The following REEP1 variants were observed in gnomAD, a reference collection of about 807,000 sequenced individuals.
REEP1 encodes receptor accessory protein 1.
A neutral mutation model predicts 40.3 loss-of-function variants in REEP1; 22 were observed. That is an observed-to-expected ratio of 0.55 (90% CI 0.39 to 0.78). The LOEUF (loss-of-function observed/expected upper bound fraction) is 0.78. Among genes scored for constraint, REEP1 ranks in the 30% least tolerant of loss-of-function variants. REEP1 has a pLI of 0.00. For synonymous variants in REEP1, 116 were observed against 139.2 expected (o/e 0.83, Z 1.17); for missense variants, 280 against 361.1 (o/e 0.78, Z 1.82).
intron 5 of REEP1, 27 bp from the exon 6 acceptor site, chr2:86,232,829 G>T: frequency 6.3e-7 from 1 of 1,594,456 alleles, no homozygotes; most frequent in African/African-American, 1.3e-5. Flanking sequence ...AGGGGCACAC[G>T]TCAGAGGTCC....
intron 1 of REEP1, among the ~76,000 whole-genome samples, chr2:86,311,725 A>G (rs1679774364): frequency 6.6e-6 from 1 of 152,228 alleles, no homozygotes; most frequent in Non-Finnish European, 1.5e-5. Context: ...ATTTCCAAAT[A>G]AGGTCACATT....
intron 1 of REEP1, among the ~76,000 whole-genome samples, chr2:86,289,480 T>A (rs900846890): frequency 6.6e-5 from 10 of 152,216 alleles, no homozygotes; most frequent in Non-Finnish European, 1.3e-4. Context: ...GGCCATTCTT[T>A]TTTTTTATTA....
At chr2:86,335,455 G>A (rs1330544630) in intron 1 of REEP1, among the ~76,000 whole-genome samples, 11 of 151,992 alleles carry the variant, frequency 7.2e-5, no homozygotes, top group East Asian at 1.9e-4. Context: ...CTGAAGTCTC[G>A]GTTCTAGGGA....
In REEP1 at chr2:86,217,453, C is replaced by T. The variant is rs188557250; in HGVS notation, c.784-343G>A. 2.9e-3 allele frequency among the ~76,000 whole-genome samples: 442 copies of T among 152,292 alleles called. 1 individual carries two copies. The highest frequency in any genetic ancestry group is 9.8e-3 in the African/African-American group (407 of 41,562). ...CAGCAGAAAGAGACACCTCCGCATG[C>T]TTCCTTTGCTTTTGTTATTTCCTTT... On this transcript the variant is annotated intron_variant, in intron 8 of 8. Coordinates refer to ENST00000538924, the MANE Select transcript of REEP1 (RefSeq NM_001371279.1).
chr2:86,272,449 A>G (rs1677510551), intron 2 of REEP1, among the ~76,000 whole-genome samples: 1 of 152,226 alleles, frequency 6.6e-6, no homozygotes, highest in Non-Finnish European at 1.5e-5. Context: ...CTTTTTGGCT[A>G]GTAGTGAAAC....
In REEP1 at chr2:86,215,023, C is replaced by CTTTTTTTTTTTTTTTTTTTTTT. The variant is rs11350708; in HGVS notation, c.*1994_*2015dup. Reference sequence around the variant, plus strand: ...AAAAATTGCTAAGAAGCTGTGTAAGCTTTTTTTTTTTTTTTTTTTTTTTGC... The same window carrying CTTTTTTTTTTTTTTTTTTTTTT: ...AAAAATTGCTAAGAAGCTGTGTAAGCTTTTTTTTTTTTTTTTTTTTTTTTTTTTTTTTTTTTTTTTTTTTTGC... On this transcript the variant is annotated 3_prime_UTR_variant, in exon 9 of 9. Transcript: ENST00000538924. The CTTTTTTTTTTTTTTTTTTTTTT allele has an allele frequency of 2.0e-4, 12 of 59,578 alleles. No individual in the cohort carries two copies. The highest frequency in any genetic ancestry group is 1.9e-3 in the South Asian group (2 of 1,040). 3.7% of individuals were successfully genotyped at this position (59,578 alleles called of 1,614,324 possible). A position where few individuals can be genotyped will look rare whatever the true frequency, so the allele number is the denominator to read the frequency against.
chr2:86,286,820 C>G (rs769222143), intron 1 of REEP1, among the ~76,000 whole-genome samples: 1 of 152,196 alleles, frequency 6.6e-6, no homozygotes, highest in Non-Finnish European at 1.5e-5. Flanking sequence ...TTTCCACAGT[C>G]TTCTCAGGCA....
At chr2:86,306,245 CT>C (rs1679474519) in intron 1 of REEP1, among the ~76,000 whole-genome samples, 2 of 152,174 alleles carry the variant, frequency 1.3e-5, no homozygotes, top group Non-Finnish European at 2.9e-5. Context: ...CTAACCCAGT[CT>C]TCAGTATGTT....
chr2:86,248,404 C>T (rs1676084964), intron 5 of REEP1, among the ~76,000 whole-genome samples: 3 of 152,064 alleles, frequency 2.0e-5, no homozygotes, highest in Admixed American at 2.0e-4. Flanking sequence ...TTCCTTGGGA[C>T]AGGCCTAGTT....
chr2:86,271,888 T>C (rs761549337), intron 2 of REEP1, among the ~76,000 whole-genome samples: 1 of 152,150 alleles, frequency 6.6e-6, no homozygotes, highest in Non-Finnish European at 1.5e-5. Flanking sequence ...ATGTTTTGGG[T>C]CTTCAATTAG....
rs753891827 is a variant in REEP1, at chr2:86,215,528, G to A, written c.*1511C>T. On this transcript the variant is annotated 3_prime_UTR_variant, in exon 9 of 9. Transcript: ENST00000538924. ...TCTCTAGTCTTCTGGGCATATCTAC[G>A]AACAAATACAATCCAAATATTATGA... 13 of 152,450 alleles carry A rather than the reference G, an allele frequency of 8.5e-5. No individual in the cohort carries two copies. Among genetic ancestry groups the A allele is most frequent in the South Asian group, 2.1e-4 (1 of 4,820 alleles). 9.4% of individuals were successfully genotyped at this position (152,450 alleles called of 1,614,324 possible). A position where few individuals can be genotyped will look rare whatever the true frequency, so the allele number is the denominator to read the frequency against.
chr2:86,283,844 C>A (rs925941232), intron 1 of REEP1, among the ~76,000 whole-genome samples: 4 of 152,118 alleles, frequency 2.6e-5, no homozygotes, highest in African/African-American at 9.7e-5. Flanking sequence ...AAGGGTAAGG[C>A]AGGTGCTGGA....
At chr2:86,319,401 AC>A (rs1680178251) in intron 1 of REEP1, among the ~76,000 whole-genome samples, 1 of 152,150 alleles carries the variant, frequency 6.6e-6, no homozygotes, top group African/African-American at 2.4e-5. Flanking sequence ...AACCCCAATA[AC>A]TGTGAATGTG....
intron 3 of REEP1, among the ~76,000 whole-genome samples, chr2:86,256,275 G>A (rs1379829387): frequency 7.3e-5 from 11 of 151,270 alleles, no homozygotes; most frequent in African/African-American, 2.4e-4. Context: ...TCGAACCCAG[G>A]AGTTGGAGGT....
At chr2:86,239,177 T>C (rs965018699) in intron 5 of REEP1, among the ~76,000 whole-genome samples, 5 of 128,200 alleles carry the variant, frequency 3.9e-5, no homozygotes, top group African/African-American at 1.2e-4. Context: ...GAATATACAG[T>C]GTGCATGATG....
rs148702757 is a variant in REEP1 at position 86,284,241 on chromosome 2, C to A, written c.33-1999G>T. ...GGCCTTTCCTGACCTGGTCACCCCC[C>A]CTGACGATTGGGCTCCTCTCCGTTT... On this transcript the variant is annotated intron_variant, in intron 1 of 8. Coordinates refer to ENST00000538924, the MANE Select transcript of REEP1 (RefSeq NM_001371279.1). Among the ~76,000 whole-genome samples the A allele has an allele frequency of 6.4e-3, 968 of 152,184 alleles. 4 individuals carry two copies. Among genetic ancestry groups the A allele is most frequent in the African/African-American group, 0.021 (878 of 41,466 alleles).
Position 86,312,569 on chromosome 2 carries a change from T to G in REEP1, c.32+24910A>C, listed in dbSNP as rs75605543. On this transcript the variant is annotated intron_variant, in intron 1 of 8. Transcript: ENST00000538924. ...GTTTAAGAACTGAACAACAGGAGTT[T>G]GAGGCTGCAGTGAGTGCTGATCATG... Among the ~76,000 whole-genome samples the G allele has an allele frequency of 1.1e-4, 16 of 152,276 alleles. No individual in the cohort carries two copies. The East Asian group carries it at 3.1e-3, about 29-fold the overall frequency.
intron 2 of REEP1, among the ~76,000 whole-genome samples, chr2:86,275,677 C>T (rs547276605): frequency 3.9e-5 from 6 of 152,232 alleles, no homozygotes; most frequent in Non-Finnish European, 5.9e-5. Flanking sequence ...CCACTGCCCA[C>T]GTTTCCCACT....
At chr2:86,252,416 G>A (rs1016682194) in intron 4 of REEP1, among the ~76,000 whole-genome samples, 5 of 152,184 alleles carry the variant, frequency 3.3e-5, no homozygotes, top group African/African-American at 1.2e-4. Flanking sequence ...AGCACCCAGG[G>A]TGGAGAGAGT....
Sources: allele counts gnomAD v4.1 joint callset (sites outside exome capture counted in the v4.1 genomes callset), GRCh38; gene constraint gnomAD v4.1.1; transcripts MANE v1.5; gene names NCBI Gene and HGNC (gene_info 2026-07-23, HGNC 2026-07-21).